The following CD300LD variants were observed in gnomAD, a reference collection of about 807,000 sequenced individuals.
The protein encoded by CD300LD is CMRF35-like molecule 5.
CD300LD carries 18 observed loss-of-function variants against 20.3 expected under a neutral mutation model. That is an observed-to-expected ratio of 0.89 (90% CI 0.61 to 1.32). The LOEUF (loss-of-function observed/expected upper bound fraction) is 1.32, where lower values mean the gene tolerates loss of function less well. CD300LD is among the 40% of genes most tolerant of loss of function. CD300LD has a pLI of 0.00. For missense variants in CD300LD, 195 were observed against 226.6 expected, an observed-to-expected ratio of 0.86 and a Z score of 0.90; for synonymous variants, 104 against 90.1, an observed-to-expected ratio of 1.15 and a Z score of -0.87.
Position 74,581,836 on chromosome 17 carries a change from A to T in CD300LD, c.473+382T>A, listed in dbSNP as rs867158755. Among the ~76,000 whole-genome samples the T allele has an allele frequency of 5.9e-5, 9 of 152,284 alleles. No individual in the cohort carries two copies. The Middle Eastern group carries it at 0.02, about 345-fold the overall frequency. Reference sequence around the variant, plus strand: ...TTCATGTAGCCAACACTTAGATGGGAAATCTTATTTTCCTCAAAGGTAAAC... The same window carrying T: ...TTCATGTAGCCAACACTTAGATGGGTAATCTTATTTTCCTCAAAGGTAAAC... On this transcript the variant is annotated intron_variant, in intron 3 of 3. Coordinates refer to ENST00000375352, the MANE Select transcript of CD300LD (RefSeq NM_001115152.2).
intron 3 of CD300LD, among the ~76,000 whole-genome samples, chr17:74,581,676 G>A (rs182840567): frequency 3.3e-5 from 5 of 152,326 alleles, no homozygotes; most frequent in Non-Finnish European, 5.9e-5. Context: ...GATGAGAGAG[G>A]TGTCTCTCCT....
At chr17:74,584,440 T>A (rs1049804627) in intron 2 of CD300LD, among the ~76,000 whole-genome samples, 1 of 152,118 alleles carries the variant, frequency 6.6e-6, no homozygotes, top group Non-Finnish European at 1.5e-5. Context: ...AACAGAAAAC[T>A]GTTCTCATGA....
At chr17:74,588,151 G>A (rs868630815) in intron 2 of CD300LD, among the ~76,000 whole-genome samples, 3 of 152,172 alleles carry the variant, frequency 2.0e-5, no homozygotes, top group Non-Finnish European at 2.9e-5. Flanking sequence ...CAGGCACCTC[G>A]TGGTGGCGGA....
chr17:74,582,372 G>A, intron 2 of CD300LD, 61 bp from the exon 3 acceptor site: 1 of 1,413,826 alleles, frequency 7.1e-7, no homozygotes, highest in Non-Finnish European at 9.8e-7. Context: ...TCTGGCTGTG[G>A]CCCTAAGGCT....
Position 74,581,067 on chromosome 17 carries a change from T to C in CD300LD, c.474-954A>G, listed in dbSNP as rs79448683. Among the ~76,000 whole-genome samples, 49 of 152,080 alleles carry C rather than the reference T, an allele frequency of 3.2e-4. No individual in the cohort carries two copies. The East Asian group carries it at 7.2e-3, about 22-fold the overall frequency. The stretch of plus-strand genomic sequence containing the variant: ...GCCCCCAAAGGTCCTTCCCAGCATC[T>C]TCACTCTTGGGGCTCTCCTGCTACA... On this transcript the variant is annotated intron_variant, in intron 3 of 3. Coordinates refer to ENST00000375352, the MANE Select transcript of CD300LD (RefSeq NM_001115152.2).
At chr17:74,585,785 G>A (rs2030144231) in intron 2 of CD300LD, among the ~76,000 whole-genome samples, 1 of 152,206 alleles carries the variant, frequency 6.6e-6, no homozygotes, top group South Asian at 2.1e-4. Context: ...TTGTCTGCTA[G>A]TGCATACCTG....
At chr17:74,583,334 G>T (rs2030079328) in intron 2 of CD300LD, among the ~76,000 whole-genome samples, 1 of 152,224 alleles carries the variant, frequency 6.6e-6, no homozygotes, top group Non-Finnish European at 1.5e-5. Context: ...TCTCTGAAGA[G>T]GAGATGAGGA....
chr17:74,580,245 C>T (rs1263767613), intron 3 of CD300LD, 132 bp from the exon 4 acceptor site: 2 of 649,732 alleles, frequency 3.1e-6, no homozygotes, highest in East Asian at 2.9e-5. Context: ...CAGGCCAGCC[C>T]CTTTGGTGGG....
At chr17:74,591,257 AAAAAAAAT>A (rs1213392932) in intron 1 of CD300LD, among the ~76,000 whole-genome samples, 5 of 96,784 alleles carry the variant, frequency 5.2e-5, no homozygotes, top group Non-Finnish European at 9.5e-5. Context: ...CTACAAAAAA[AAAAAAAAT>A]AAAAATAATA....
intron 1 of CD300LD, among the ~76,000 whole-genome samples, chr17:74,590,082 T>TG (rs746807767): frequency 4.2e-4 from 64 of 152,304 alleles, no homozygotes; most frequent in Non-Finnish European, 7.8e-4. Flanking sequence ...CCACATGTTG[T>TG]GGGGGGCACC....
chr17:74,589,340 A>G (rs1200247945), intron 1 of CD300LD, among the ~76,000 whole-genome samples: 5 of 152,230 alleles, frequency 3.3e-5, no homozygotes, highest in Non-Finnish European at 7.3e-5. Context: ...AGTGATGCCA[A>G]CTGGTCTCTA....
chr17:74,590,075 CAT>C, intron 1 of CD300LD, among the ~76,000 whole-genome samples: 1 of 152,312 alleles, frequency 6.6e-6, no homozygotes, highest in East Asian at 1.9e-4. Context: ...ATAATTTCCA[CAT>C]GTTGTGGGGG....
intron 2 of CD300LD, among the ~76,000 whole-genome samples, chr17:74,583,234 G>C (rs527438797): frequency 1.7e-4 from 26 of 152,236 alleles, no homozygotes; most frequent in African/African-American, 6.0e-4. Flanking sequence ...CTCAAAATGT[G>C]ACTATATTTG....
chr17:74,580,860 G>T (rs886843055), intron 3 of CD300LD, among the ~76,000 whole-genome samples: 1 of 147,698 alleles, frequency 6.8e-6, no homozygotes, highest in African/African-American at 2.5e-5. Context: ...GAGCCCAAGA[G>T]TTCAAGACCA....
intron 3 of CD300LD, 60 bp downstream of exon 3, chr17:74,582,158 T>G (rs2030049511): frequency 7.2e-7 from 1 of 1,393,266 alleles, no homozygotes; most frequent in East Asian, 2.3e-5. Flanking sequence ...GCAACCCCTG[T>G]TAGAGGAGAG....
At chr17:74,586,439 C>T (rs1257249876) in intron 2 of CD300LD, among the ~76,000 whole-genome samples, 1 of 152,142 alleles carries the variant, frequency 6.6e-6, no homozygotes, top group Non-Finnish European at 1.5e-5. Context: ...GGACTTTGCC[C>T]TCATTGCAAT....
chr17:74,589,066 A>C (rs1187537250), intron 1 of CD300LD, among the ~76,000 whole-genome samples: 1 of 152,146 alleles, frequency 6.6e-6, no homozygotes, highest in African/African-American at 2.4e-5. Flanking sequence ...AAGAAACACA[A>C]ATGTTGGCAT....
At chr17:74,589,669 G>A (rs1309489781) in intron 1 of CD300LD, among the ~76,000 whole-genome samples, 1 of 152,172 alleles carries the variant, frequency 6.6e-6, no homozygotes, top group Non-Finnish European at 1.5e-5. Context: ...ATTCAAAACA[G>A]TGGAAATACC....
chr17:74,582,181 G>A, intron 3 of CD300LD, 37 bp downstream of exon 3: 1 of 1,581,902 alleles, frequency 6.3e-7, no homozygotes, highest in South Asian at 1.1e-5. Flanking sequence ...CATGGGGCCA[G>A]GCCTGTGCGA....
Sources: allele counts gnomAD v4.1 joint callset (sites outside exome capture counted in the v4.1 genomes callset), GRCh38; gene constraint gnomAD v4.1.1; transcripts MANE v1.5; gene names NCBI Gene and HGNC (gene_info 2026-07-23, HGNC 2026-07-21).